The following ATP8A2 variants were observed in gnomAD, a reference collection of about 807,000 sequenced individuals.
ATP8A2 encodes the protein phospholipid-transporting ATPase IB.
In ATP8A2, 100 loss-of-function variants were observed where a neutral mutation model predicts 165.6. That is an observed-to-expected ratio of 0.60 (90% CI 0.51 to 0.71). The LOEUF is 0.71. ATP8A2 is among the 30% of genes least tolerant of loss of function. ATP8A2 has a pLI of 0.00. For synonymous variants in ATP8A2, 543 were observed against 548.8 expected (o/e 0.99, Z 0.15); for missense variants, 1,227 against 1,479.5 (o/e 0.83, Z 2.80).
At chr13:25,975,105 G>A (rs942726994) in intron 35 of ATP8A2, among the ~76,000 whole-genome samples, 7 of 152,000 alleles carry the variant, frequency 4.6e-5, no homozygotes, top group African/African-American at 7.2e-5. Context: ...GGTTTTATAC[G>A]ATGGTGTTGC....
intron 33 of ATP8A2, among the ~76,000 whole-genome samples, chr13:25,908,292 AG>A (rs1296637640): frequency 2.6e-5 from 4 of 152,178 alleles, no homozygotes; most frequent in Non-Finnish European, 5.9e-5. Flanking sequence ...CGAGCACTTT[AG>A]GTCTGTGGTA....
intron 30 of ATP8A2, among the ~76,000 whole-genome samples, chr13:25,854,357 A>G (rs187124039): frequency 9.2e-5 from 14 of 152,254 alleles, no homozygotes; most frequent in Admixed American, 2.6e-4. Flanking sequence ...TTTATAAGAG[A>G]CAGGGTCTTG....
intron 33 of ATP8A2, among the ~76,000 whole-genome samples, chr13:25,907,229 G>A (rs1043981282): frequency 3.3e-5 from 5 of 151,732 alleles, no homozygotes; most frequent in Non-Finnish European, 5.9e-5. Flanking sequence ...CAGCCTGGGC[G>A]ACAGAGCGAG....
intron 10 of ATP8A2, among the ~76,000 whole-genome samples, chr13:25,550,948 C>T (rs1048193433): frequency 6.6e-6 from 1 of 152,156 alleles, no homozygotes; most frequent in Non-Finnish European, 1.5e-5. Flanking sequence ...AAGGTCTTCT[C>T]TAGATTTTTA....
chr13:25,385,091 G>A (rs894760473), intron 1 of ATP8A2, among the ~76,000 whole-genome samples: 4 of 152,228 alleles, frequency 2.6e-5, no homozygotes, highest in Non-Finnish European at 4.4e-5. Context: ...CAGAGGGCCA[G>A]TGTTTTAGTG....
chr13:26,014,731 A>G (rs941180607), intron 36 of ATP8A2, among the ~76,000 whole-genome samples: 2 of 152,232 alleles, frequency 1.3e-5, no homozygotes, highest in Non-Finnish European at 2.9e-5. Context: ...AAGTGTCTAT[A>G]TAGGCAATAT....
intron 24 of ATP8A2, among the ~76,000 whole-genome samples, chr13:25,656,996 T>A (rs930405167): frequency 1.5e-5 from 2 of 133,282 alleles, no homozygotes; most frequent in Admixed American, 9.0e-5. Flanking sequence ...AAGGTTGCTG[T>A]GAGCCAAGAT....
At chr13:25,856,581 A>T (rs1952172389) in intron 30 of ATP8A2, among the ~76,000 whole-genome samples, 1 of 152,208 alleles carries the variant, frequency 6.6e-6, no homozygotes, top group South Asian at 2.1e-4. Context: ...ATCCATTTTT[A>T]AAAATTTTTA....
chr13:25,926,895 A>C (rs1954622278), intron 33 of ATP8A2, among the ~76,000 whole-genome samples: 1 of 152,188 alleles, frequency 6.6e-6, no homozygotes, highest in Non-Finnish European at 1.5e-5. Flanking sequence ...AAATGTTTGA[A>C]AGCATGAACA....
At chr13:25,638,239 G>A (rs1463484223) in intron 24 of ATP8A2, among the ~76,000 whole-genome samples, 4 of 152,202 alleles carry the variant, frequency 2.6e-5, no homozygotes, top group Non-Finnish European at 5.9e-5. Flanking sequence ...CGCCAGCAAC[G>A]GAACAAAGCT....
In ATP8A2 at chr13:25,881,511, T is replaced by C. The variant is rs1036076995; in HGVS notation, c.3183+19103T>C. Reference sequence around the variant, plus strand: ...ACTGTGCTTGAGAGTTAATAGGACTTGTGGCTTTATTTTTTAATGTTCGTT... The same window carrying C: ...ACTGTGCTTGAGAGTTAATAGGACTCGTGGCTTTATTTTTTAATGTTCGTT... On this transcript the variant is annotated intron_variant, in intron 33 of 36. Coordinates refer to ENST00000381655, the MANE Select transcript of ATP8A2 (RefSeq NM_016529.6). Among the ~76,000 whole-genome samples, 3 of 152,214 alleles carry C rather than the reference T, an allele frequency of 2.0e-5. No homozygotes were observed. In the Middle Eastern group the frequency reaches 0.01, roughly 518 times the overall value.
chr13:25,417,582 AT>A (rs1272793647), intron 1 of ATP8A2, among the ~76,000 whole-genome samples: 7 of 112,472 alleles, frequency 6.2e-5, no homozygotes, highest in African/African-American at 1.7e-4. Context: ...CAATTGTTCA[AT>A]TTAGACTTGT....
rs1403248227 is a variant in ATP8A2, at chr13:25,504,419, TC to T, written c.222-25578del. Among the ~76,000 whole-genome samples the T allele has an allele frequency of 7.5e-5, 11 of 146,850 alleles. No homozygotes were observed. In the East Asian group the frequency reaches 1.2e-3, roughly 15 times the overall value. On this transcript the variant is annotated intron_variant, in intron 2 of 36. Coordinates refer to ENST00000381655, the MANE Select transcript of ATP8A2 (RefSeq NM_016529.6). ...GAATAATTTTTAAAAATCTTTCCTT[TC>T]CTTTTTTTTTTTTTTTTTTTTTAAA...
intron 33 of ATP8A2, among the ~76,000 whole-genome samples, chr13:25,878,571 C>A (rs138002931): frequency 2.1e-4 from 32 of 151,938 alleles, no homozygotes; most frequent in Non-Finnish European, 4.6e-4. Context: ...TTTATTGCAA[C>A]CTGTTTTATC....
intron 24 of ATP8A2, among the ~76,000 whole-genome samples, chr13:25,591,793 G>A (rs965845201): frequency 1.3e-5 from 2 of 152,054 alleles, no homozygotes; most frequent in African/African-American, 4.8e-5. Context: ...ATGTTGGCCA[G>A]GATGGTCTCA....
At chr13:25,685,757 A>G (rs926423030) in intron 24 of ATP8A2, among the ~76,000 whole-genome samples, 3 of 152,146 alleles carry the variant, frequency 2.0e-5, no homozygotes, top group Admixed American at 1.3e-4. Context: ...TGGCCATCAG[A>G]AGGCACTTGG....
intron 26 of ATP8A2, among the ~76,000 whole-genome samples, chr13:25,771,395 C>T (rs2044616455): frequency 6.6e-6 from 1 of 152,176 alleles, no homozygotes; most frequent in Non-Finnish European, 1.5e-5. Context: ...TACACCCCAG[C>T]ATTATTAAAT....
chr13:25,585,344 C>T (rs1054311101), intron 23 of ATP8A2, among the ~76,000 whole-genome samples: 11 of 152,078 alleles, frequency 7.2e-5, no homozygotes, highest in Non-Finnish European at 1.5e-4. Context: ...CTGAATAAAA[C>T]GTCTATTAAA....
At chr13:25,459,976 C>T (rs977007141) in intron 1 of ATP8A2, among the ~76,000 whole-genome samples, 4 of 151,952 alleles carry the variant, frequency 2.6e-5, no homozygotes, top group South Asian at 2.1e-4. Context: ...CCGAGGTGGG[C>T]GGATCACCTG....
Sources: gnomAD v4.1 joint callset for allele counts (sites outside exome capture counted in the v4.1 genomes callset) on GRCh38, gnomAD v4.1.1 for gene constraint, MANE v1.5 for transcripts, NCBI Gene and HGNC (gene_info 2026-07-23, HGNC 2026-07-21) for gene names.